The following MBNL2 variants were observed in gnomAD, a reference collection of about 807,000 sequenced individuals.
The protein encoded by MBNL2 is muscleblind like splicing regulator 2.
In MBNL2, 17 loss-of-function variants were observed where a neutral mutation model predicts 41.9. The ratio of observed to expected loss-of-function variants is 0.41; its 90% CI spans 0.28 to 0.61. The LOEUF (loss-of-function observed/expected upper bound fraction) is 0.61. MBNL2 is among the 20% of genes least tolerant of loss of function. The probability of loss-of-function intolerance (pLI) is 0.35; values close to 1 mark genes in which losing one functional copy is unlikely to be tolerated. For synonymous variants in MBNL2, 195 were observed against 182.9 expected (o/e 1.07, Z -0.53); for missense variants, 336 against 505.6 (o/e 0.66, Z 3.22).
chr13:97,240,156 G>A (rs537279978), intron 1 of MBNL2, among the ~76,000 whole-genome samples: 1 of 152,270 alleles, frequency 6.6e-6, no homozygotes, highest in African/African-American at 2.4e-5. Flanking sequence ...GGGAGTCTGA[G>A]GTGGGGCCTA....
At chr13:97,302,183 T>G (rs1594181317) in intron 2 of MBNL2, among the ~76,000 whole-genome samples, 1 of 152,210 alleles carries the variant, frequency 6.6e-6, no homozygotes, top group African/African-American at 2.4e-5. Flanking sequence ...TCCCCTTCTT[T>G]TACTCTCTGA....
At chr13:97,300,652 A>G (rs1335408397) in intron 2 of MBNL2, among the ~76,000 whole-genome samples, 1 of 152,084 alleles carries the variant, frequency 6.6e-6, no homozygotes, top group African/African-American at 2.4e-5. Context: ...CTCTTGCAAC[A>G]TTGCCTTTCT....
At chr13:97,313,464 G>T (rs149763325) in intron 2 of MBNL2, among the ~76,000 whole-genome samples, 201 of 152,216 alleles carry the variant, frequency 1.3e-3, no homozygotes, top group African/African-American at 4.7e-3. Flanking sequence ...AGATCTTATT[G>T]AACAGAAGAG....
intron 1 of MBNL2, among the ~76,000 whole-genome samples, chr13:97,260,914 T>C (rs1478587339): frequency 2.6e-5 from 4 of 152,108 alleles, no homozygotes; most frequent in Admixed American, 2.6e-4. Flanking sequence ...CTCTCATCTT[T>C]ATTTTCTTTC....
At chr13:97,244,249 G>A (rs2044968861) in intron 1 of MBNL2, among the ~76,000 whole-genome samples, 1 of 152,176 alleles carries the variant, frequency 6.6e-6, no homozygotes, top group South Asian at 2.1e-4. Flanking sequence ...ACCTGCTAGT[G>A]AAATATTTTC....
intron 2 of MBNL2, among the ~76,000 whole-genome samples, chr13:97,300,370 A>G (rs895736538): frequency 1.3e-5 from 2 of 152,192 alleles, no homozygotes; most frequent in Non-Finnish European, 2.9e-5. Flanking sequence ...CGTTTTTGGC[A>G]TCAGAGACCG....
chr13:97,254,777 C>G (rs1301687088), intron 1 of MBNL2, among the ~76,000 whole-genome samples: 1 of 152,100 alleles, frequency 6.6e-6, no homozygotes, highest in Non-Finnish European at 1.5e-5. Context: ...TTTCTCAAGG[C>G]AAGATTGAGT....
At chr13:97,249,869 A>G (rs1361603067) in intron 1 of MBNL2, among the ~76,000 whole-genome samples, 1 of 152,230 alleles carries the variant, frequency 6.6e-6, no homozygotes, top group Non-Finnish European at 1.5e-5. Context: ...TTATGCTGCA[A>G]AAGAGAAGTT....
At chr13:97,224,628 CAAAAAAA>C (rs538498133) in intron 1 of MBNL2, among the ~76,000 whole-genome samples, 1,123 of 107,428 alleles carry the variant, frequency 0.01, 16 homozygotes, top group African/African-American at 0.028. Context: ...GACCTTTTAC[CAAAAAAA>C]AAAAAAAAAA....
intron 1 of MBNL2, among the ~76,000 whole-genome samples, chr13:97,259,344 C>T (rs897892808): frequency 1.3e-5 from 2 of 152,130 alleles, no homozygotes; most frequent in African/African-American, 4.8e-5. Flanking sequence ...CAGCTTTTGT[C>T]CTTTTCACAG....
chr13:97,222,513 ACAGG>A lies in MBNL2; in HGVS notation c.-619_-616del. ...CCTGGGGTTACTGTAAATGGGAAGG[ACAGG>A]CAGAGCTAAACAAGGTAGGAGAATC... On this transcript the variant is annotated 5_prime_UTR_variant, in exon 1 of 9. An upstream open reading frame in the 5' UTR loses its in-frame stop. Transcript: ENST00000679496. 2.5e-6 allele frequency: 1 copy of A among 398,634 alleles called. No individual in the cohort carries two copies. The highest frequency in any genetic ancestry group is 4.4e-6 in the Non-Finnish European group (1 of 226,066). The allele number at this position is 398,634 out of a possible 1,614,324, so 24.7% of individuals were successfully genotyped here.
chr13:97,269,636 T>C (rs999894093), intron 1 of MBNL2, among the ~76,000 whole-genome samples: 1 of 152,146 alleles, frequency 6.6e-6, no homozygotes, highest in African/African-American at 2.4e-5. Flanking sequence ...CCCTTCACTT[T>C]TGGGTGAACA....
At chr13:97,185,930 C>T in the MBNL2 span, among the ~76,000 whole-genome samples, 2 of 152,328 alleles carry the variant, frequency 1.3e-5, no homozygotes, top group East Asian at 1.9e-4. Context: ...AGAATGCTAC[C>T]TCTCACCCGG....
intron 1 of MBNL2, among the ~76,000 whole-genome samples, chr13:97,227,308 C>T (rs917399136): frequency 6.6e-6 from 1 of 152,078 alleles, no homozygotes; most frequent in Non-Finnish European, 1.5e-5. Flanking sequence ...TGACTGCAAG[C>T]TGGTTGCTGT....
At chr13:97,311,215 G>T (rs1037863944) in intron 2 of MBNL2, among the ~76,000 whole-genome samples, 2 of 152,258 alleles carry the variant, frequency 1.3e-5, no homozygotes, top group Admixed American at 6.5e-5. Flanking sequence ...GTTAATTGTG[G>T]TGCACTCATT....
At chr13:97,288,923 G>A (rs1249948894) in intron 2 of MBNL2, among the ~76,000 whole-genome samples, 1 of 152,184 alleles carries the variant, frequency 6.6e-6, no homozygotes, top group African/African-American at 2.4e-5. Context: ...TAAGACTGAT[G>A]AGACCATTTT....
intron 8 of MBNL2, among the ~76,000 whole-genome samples, chr13:97,390,227 C>T (rs1465842904): frequency 6.6e-6 from 1 of 152,090 alleles, no homozygotes; most frequent in Non-Finnish European, 1.5e-5. Flanking sequence ...ATGTTTATTT[C>T]ATGGGAGGAA....
At chr13:97,306,153 T>G (rs1046912811) in intron 2 of MBNL2, among the ~76,000 whole-genome samples, 1 of 152,194 alleles carries the variant, frequency 6.6e-6, no homozygotes, top group African/African-American at 2.4e-5. Context: ...CTTTCCCCAG[T>G]GTCCCTAACC....
chr13:97,142,219 A>T, the MBNL2 span, among the ~76,000 whole-genome samples: 12 of 152,212 alleles, frequency 7.9e-5, no homozygotes, highest in Non-Finnish European at 1.8e-4. Context: ...ATAAAACAGT[A>T]GAAAGTTGTT....
Sources: allele counts gnomAD v4.1 joint callset (sites outside exome capture counted in the v4.1 genomes callset), GRCh38; gene constraint gnomAD v4.1.1; transcripts MANE v1.5; gene names NCBI Gene and HGNC (gene_info 2026-07-23, HGNC 2026-07-21).